Variants in TLE4 observed in about 807,000 individuals in gnomAD.
TLE4 encodes TLE family member 4, transcriptional corepressor.
In TLE4, 8 loss-of-function variants were observed where a neutral mutation model predicts 92.8. The observed-to-expected ratio is 0.09, with a 90% CI of 0.05 to 0.16. TLE4 has a LOEUF of 0.16. Ranked by LOEUF, TLE4 falls within the 10% of genes least tolerant of loss-of-function variation. The pLI, the probability that TLE4 is intolerant of heterozygous loss-of-function variation, is 1.00. For missense variants in TLE4, 675 were observed against 997.6 expected (o/e 0.68, Z 4.36); for synonymous variants, 371 against 374.1 (o/e 0.99, Z 0.10).
At chr9:79,647,157 A>C (rs1486883303) in intron 6 of TLE4, among the ~76,000 whole-genome samples, 1 of 152,222 alleles carries the variant, frequency 6.6e-6, no homozygotes. Flanking sequence ...AGTTTGGTGA[A>C]TAGCAATGAA....
intron 4 of TLE4, chr9:79,576,674 G>C (rs2087743502): frequency 1.3e-5 from 2 of 152,128 alleles, no homozygotes; most frequent in South Asian, 4.1e-4. Context: ...CTGGTCCCCT[G>C]AGGCTACTTA....
chr9:79,631,925 C>T lies in TLE4; in HGVS notation c.390+4477C>T, dbSNP rs191107517. 2.2e-3 allele frequency among the ~76,000 whole-genome samples: 336 copies of T among 151,802 alleles called. 6 individuals carry two copies. Among genetic ancestry groups the T allele is most frequent in the Non-Finnish European group, 2.3e-3 (156 of 67,932 alleles). ...TACATTGCAAGTGTAGGAAATATAC[C>T]CCTGTGGATACATGGCCTCCAGTAA... On this transcript the variant is annotated intron_variant, in intron 6 of 19. Coordinates refer to ENST00000376552, the MANE Select transcript of TLE4 (RefSeq NM_007005.6).
chr9:79,673,889 G>A (rs1018187171), intron 8 of TLE4, among the ~76,000 whole-genome samples: 1 of 152,122 alleles, frequency 6.6e-6, no homozygotes, highest in African/African-American at 2.4e-5. Context: ...GTTGATTCCA[G>A]TCACGCCTCT....
At chr9:79,683,642 G>T in intron 8 of TLE4, among the ~76,000 whole-genome samples, 1 of 152,076 alleles carries the variant, frequency 6.6e-6, no homozygotes, top group East Asian at 1.9e-4. Context: ...TTTAATCCAT[G>T]AACTGATAAG....
chr9:79,578,619 A>T (rs1162141161), intron 4 of TLE4, among the ~76,000 whole-genome samples: 1 of 152,160 alleles, frequency 6.6e-6, no homozygotes, highest in Non-Finnish European at 1.5e-5. Context: ...GTTGATTCTG[A>T]TAGAGAACTA....
chr9:79,663,499 T>A lies in TLE4; in HGVS notation c.609+9424T>A, dbSNP rs1423180787. 2.0e-5 allele frequency: 3 copies of A among 152,260 alleles called. No homozygotes were observed. The East Asian group carries it at 5.8e-4, about 29-fold the overall frequency. The allele number at this position is 152,260 out of a possible 1,614,324, so 9.4% of individuals were successfully genotyped here. A position where few individuals can be genotyped will look rare whatever the true frequency, so the allele number is the denominator to read the frequency against. ...GAGAGTTCTATTGGATGATGCTGCG[T>A]CTCTGACAGACTCTGATGAGGCTTG... On this transcript the variant is annotated intron_variant, in intron 8 of 19. Transcript: ENST00000376552.
chr9:79,611,876 T>C (rs149735572), intron 4 of TLE4, among the ~76,000 whole-genome samples: 118 of 135,788 alleles, frequency 8.7e-4, no homozygotes, highest in Non-Finnish European at 1.6e-3. Flanking sequence ...TCTGTACTTA[T>C]AAAAATTATT....
At chr9:79,687,015 G>T (rs1181038354) in intron 8 of TLE4, among the ~76,000 whole-genome samples, 6 of 152,180 alleles carry the variant, frequency 3.9e-5, no homozygotes, top group African/African-American at 1.4e-4. Flanking sequence ...ACTGCACTTA[G>T]GCTCTGGGGA....
At chr9:79,691,439 C>T (rs1213587230) in intron 8 of TLE4, among the ~76,000 whole-genome samples, 1 of 152,282 alleles carries the variant, frequency 6.6e-6, no homozygotes, top group East Asian at 1.9e-4. Flanking sequence ...AAAATTCTTA[C>T]TGTGATTCGA....
intron 6 of TLE4, among the ~76,000 whole-genome samples, chr9:79,640,217 G>A (rs932047243): frequency 2.6e-5 from 4 of 152,092 alleles, no homozygotes; most frequent in Non-Finnish European, 4.4e-5. Context: ...CCATGTAGCT[G>A]TTAGAAATGA....
chr9:79,612,805 C>T (rs1048447152), intron 5 of TLE4, 87 bp downstream of exon 5: 2 of 1,099,302 alleles, frequency 1.8e-6, no homozygotes, highest in East Asian at 2.4e-5. Flanking sequence ...ACTCTCTGGC[C>T]TTGCCAGTCT....
intron 8 of TLE4, among the ~76,000 whole-genome samples, chr9:79,663,986 C>T (rs1470660921): frequency 6.6e-6 from 1 of 152,192 alleles, no homozygotes; most frequent in Non-Finnish European, 1.5e-5. Context: ...TCCCGTTGCC[C>T]TAGCAACGGG....
intron 5 of TLE4, among the ~76,000 whole-genome samples, chr9:79,616,920 A>G (rs1344271621): frequency 1.3e-5 from 2 of 152,194 alleles, no homozygotes; most frequent in Non-Finnish European, 2.9e-5. Flanking sequence ...TCTAAGCCTT[A>G]GTATTCCTGT....
chr9:79,714,773 C>T (rs967453579), intron 14 of TLE4, among the ~76,000 whole-genome samples: 1 of 152,192 alleles, frequency 6.6e-6, no homozygotes, highest in Non-Finnish European at 1.5e-5. Context: ...ATGACGTTTG[C>T]GTCAGAGTAT....
At chr9:79,672,147 T>TGGA (rs2062502614) in intron 8 of TLE4, among the ~76,000 whole-genome samples, 1 of 151,678 alleles carries the variant, frequency 6.6e-6, no homozygotes, top group Admixed American at 6.6e-5. Context: ...GTGCGCAGAA[T>TGGA]GGAAATTCAG....
At chr9:79,659,311 C>T (rs1312763292) in intron 8 of TLE4, among the ~76,000 whole-genome samples, 2 of 152,186 alleles carry the variant, frequency 1.3e-5, no homozygotes, top group Non-Finnish European at 2.9e-5. Flanking sequence ...ATATTTCTAT[C>T]TATACTTTTT....
chr9:79,692,609 T>G (rs192681695), intron 8 of TLE4, among the ~76,000 whole-genome samples: 65 of 152,276 alleles, frequency 4.3e-4, no homozygotes, highest in African/African-American at 1.5e-3. Flanking sequence ...CTGGGTAGCT[T>G]AAGTAGAAAT....
chr9:79,573,015 A>AG (rs1479623165), intron 1 of TLE4, among the ~76,000 whole-genome samples, 180 bp downstream of exon 1: 1 of 151,448 alleles, frequency 6.6e-6, no homozygotes, highest in Non-Finnish European at 1.5e-5. Context: ...TGGCCCTCGG[A>AG]GGGGGTGCGG....
At chr9:79,577,403 C>G (rs2038177472) in intron 4 of TLE4, among the ~76,000 whole-genome samples, 1 of 152,116 alleles carries the variant, frequency 6.6e-6, no homozygotes, top group Admixed American at 6.5e-5. Flanking sequence ...ATTTCAGATA[C>G]TGTTTTACTT....
Sources: allele counts gnomAD v4.1 joint callset (sites outside exome capture counted in the v4.1 genomes callset), GRCh38; gene constraint gnomAD v4.1.1; transcripts MANE v1.5; gene names NCBI Gene and HGNC (gene_info 2026-07-23, HGNC 2026-07-21).